The following ECT2L variants were observed in gnomAD, a reference collection of about 807,000 sequenced individuals.
ECT2L encodes the protein epithelial cell transforming 2 like.
In ECT2L, 126 loss-of-function variants were observed where a neutral mutation model predicts 122.8. That is an observed-to-expected ratio of 1.03 (90% CI 0.89 to 1.19). The LOEUF is 1.19. Among genes scored for constraint, ECT2L ranks in the 50% most tolerant of loss-of-function variants. The probability of loss-of-function intolerance (pLI) is 0.00; values close to 1 mark genes in which losing one functional copy is unlikely to be tolerated. For missense variants in ECT2L, 1,012 were observed against 1,064.1 expected, an observed-to-expected ratio of 0.95 and a Z score of 0.68; for synonymous variants, 385 against 381.8, an observed-to-expected ratio of 1.01 and a Z score of -0.10.
At chr6:138,829,138 C>A (rs935435637) in intron 4 of ECT2L, among the ~76,000 whole-genome samples, 4 of 151,936 alleles carry the variant, frequency 2.6e-5, no homozygotes, top group Non-Finnish European at 4.4e-5. Flanking sequence ...GATTACAGGG[C>A]GTGAGCCACC....
chr6:138,846,182 A>G (rs1157053415), intron 7 of ECT2L, among the ~76,000 whole-genome samples: 1 of 152,216 alleles, frequency 6.6e-6, no homozygotes, highest in Non-Finnish European at 1.5e-5. Flanking sequence ...TTACTCAGGA[A>G]CAACTGAGGC....
At chr6:138,814,732 T>C in intron 4 of ECT2L, 129 bp downstream of exon 4, 2 of 592,042 alleles carry the variant, frequency 3.4e-6, no homozygotes, top group South Asian at 5.6e-5. Context: ...TATTTTAAGG[T>C]TTATAAACAG....
At chr6:138,878,175 A>T (rs1778518926) in intron 14 of ECT2L, among the ~76,000 whole-genome samples, 1 of 152,194 alleles carries the variant, frequency 6.6e-6, no homozygotes, top group Non-Finnish European at 1.5e-5. Context: ...ACTTAAAGAC[A>T]GATTGCCCTA....
intron 13 of ECT2L, among the ~76,000 whole-genome samples, chr6:138,872,956 A>G (rs756322854): frequency 6.6e-6 from 1 of 152,166 alleles, no homozygotes; most frequent in Non-Finnish European, 1.5e-5. Context: ...GGTGAGAACC[A>G]TTTCTGGGCT....
chr6:138,832,223 C>A (rs1215526430), intron 4 of ECT2L, among the ~76,000 whole-genome samples: 1 of 151,206 alleles, frequency 6.6e-6, no homozygotes, highest in Non-Finnish European at 1.5e-5. Flanking sequence ...AACATTCACT[C>A]CTATTATTAC....
chr6:138,862,717 A>C lies in ECT2L; in HGVS notation c.1289A>C (p.His430Pro). 6.2e-7 allele frequency: 1 copy of C among 1,613,824 alleles called. No homozygotes were observed. The highest frequency in any genetic ancestry group is 2.2e-5 in the East Asian group (1 of 44,894). ...PTGIATGSYQ[H>P]ILSDWLGSQW... ...GGGATTGCAACTGGCTCTTACCAGC[A>C]CAGTAAGTGTTATGGGAGCTGAGCG... The change falls in exon 11 of 22, where the codon CAC becomes CCC. Residue 430 changes from histidine (H) to proline (P), a missense_variant and splice_region_variant. Coordinates refer to ENST00000541398, the MANE Select transcript of ECT2L (RefSeq NM_001077706.3).
chr6:138,834,502 GAACA>G (rs1776755077), intron 4 of ECT2L, among the ~76,000 whole-genome samples: 1 of 152,088 alleles, frequency 6.6e-6, no homozygotes, highest in Admixed American at 6.5e-5. Context: ...TGCTGGGATG[GAACA>G]ATAGATGCTG....
At chr6:138,846,141 G>A (rs1443535144) in intron 7 of ECT2L, among the ~76,000 whole-genome samples, 2 of 152,138 alleles carry the variant, frequency 1.3e-5, no homozygotes, top group Non-Finnish European at 2.9e-5. Context: ...TATTGTTGGG[G>A]GTGAGGGTGG....
At chr6:138,880,469 A>G (rs949688813) in intron 14 of ECT2L, among the ~76,000 whole-genome samples, 4 of 152,198 alleles carry the variant, frequency 2.6e-5, no homozygotes, top group Admixed American at 2.0e-4. Context: ...GAGGGGACAC[A>G]TTCAAACTGT....
At position 138,885,022 on chromosome 6, in the gene ECT2L, C is replaced by CTTTT. The variant is rs34579502; in HGVS notation, c.2029-463_2029-460dup. Among the ~76,000 whole-genome samples the CTTTT allele has an allele frequency of 7.4e-3, 581 of 78,846 alleles. 1 individual carries two copies. The highest frequency in any genetic ancestry group is 0.013 in the East Asian group (36 of 2,690). 51.7% of individuals were successfully genotyped at this position (78,846 alleles called of 152,430 possible). A position where few individuals can be genotyped will look rare whatever the true frequency, so the allele number is the denominator to read the frequency against. ...GGTCTATGTATAATTAACACACATT[C>CTTTT]TTTTTTTTTTTTTTTTTTTTTTTTG... On this transcript the variant is annotated intron_variant, in intron 16 of 21. Transcript: ENST00000541398.
At chr6:138,823,322 A>G in intron 4 of ECT2L, 1 of 1,595,636 alleles carries the variant, frequency 6.3e-7, no homozygotes, top group Non-Finnish European at 8.5e-7. Flanking sequence ...CCCGCTACCT[A>G]GGAACATCAA....
At chr6:138,826,471 G>A (rs920010077) in intron 4 of ECT2L, among the ~76,000 whole-genome samples, 1 of 152,026 alleles carries the variant, frequency 6.6e-6, no homozygotes, top group African/African-American at 2.4e-5. Flanking sequence ...GAGGTCAAGA[G>A]TTGAGACCAG....
chr6:138,869,700 T>C (rs981312691), intron 13 of ECT2L, among the ~76,000 whole-genome samples: 2 of 152,280 alleles, frequency 1.3e-5, no homozygotes, highest in South Asian at 4.1e-4. Context: ...AAAATAACCA[T>C]GTATGATATA....
Position 138,812,945 on chromosome 6 carries a change from CTT to C in ECT2L, c.-133_-132del. On this transcript the variant is annotated 5_prime_UTR_variant, in exon 2 of 22. Coordinates refer to ENST00000541398, the MANE Select transcript of ECT2L (RefSeq NM_001077706.3). Reference sequence around the variant, plus strand: ...ATTTTCCCAGCAAAGTAAAAAACAACTTTTGTTTAAATTCAGATTTGGGTGAA... The same window carrying C: ...ATTTTCCCAGCAAAGTAAAAAACAACTTGTTTAAATTCAGATTTGGGTGAA... 4.5e-6 allele frequency: 1 copy of C among 220,488 alleles called. No homozygotes were observed. The highest frequency in any genetic ancestry group is 8.8e-6 in the Non-Finnish European group (1 of 113,918). 13.7% of individuals were successfully genotyped at this position (220,488 alleles called of 1,614,324 possible).
intron 20 of ECT2L, among the ~76,000 whole-genome samples, chr6:138,889,924 A>G (rs1275329660): frequency 6.6e-6 from 1 of 152,212 alleles, no homozygotes; most frequent in African/African-American, 2.4e-5. Context: ...ATCTGTGGCA[A>G]CTACCCAACT....
At chr6:138,840,381 A>AT (rs34199870) in intron 5 of ECT2L, among the ~76,000 whole-genome samples, 56,895 of 151,704 alleles carry the variant, frequency 0.38, 12,290 homozygotes, top group Middle Eastern at 0.62. Flanking sequence ...ATGTGACCAT[A>AT]TTTTTTTCTG....
intron 20 of ECT2L, among the ~76,000 whole-genome samples, chr6:138,889,566 T>A (rs754001453): frequency 2.0e-4 from 31 of 152,150 alleles, no homozygotes; most frequent in Non-Finnish European, 3.5e-4. Flanking sequence ...GTGGTCCACC[T>A]GCCTTGGCCT....
At chr6:138,887,670 TAC>T (rs1378198809) in intron 19 of ECT2L, among the ~76,000 whole-genome samples, 3 of 152,210 alleles carry the variant, frequency 2.0e-5, no homozygotes, top group Non-Finnish European at 4.4e-5. Flanking sequence ...CCTTATCTCT[TAC>T]AGTTTTCCTG....
intron 18 of ECT2L, 122 bp from the exon 19 acceptor site, chr6:138,886,733 TTC>T: frequency 1.4e-6 from 1 of 729,456 alleles, no homozygotes; most frequent in Non-Finnish European, 2.3e-6. Context: ...ATTTGAAACT[TTC>T]TATTATAACA....
Sources: gnomAD v4.1 joint callset for allele counts (sites outside exome capture counted in the v4.1 genomes callset) on GRCh38, gnomAD v4.1.1 for gene constraint, MANE v1.5 for transcripts, NCBI Gene and HGNC (gene_info 2026-07-23, HGNC 2026-07-21) for gene names.